CCAR1: variants seen among roughly 807,000 people sequenced by gnomAD.
CCAR1 encodes the protein cell division cycle and apoptosis regulator protein 1.
Under a neutral mutation model 163.8 loss-of-function variants are expected in CCAR1, and 78 were observed. That is an observed-to-expected ratio of 0.48 (90% CI 0.40 to 0.57). The LOEUF (loss-of-function observed/expected upper bound fraction) is 0.57, where lower values mean the gene tolerates loss of function less well. Ranked by LOEUF, CCAR1 falls within the 20% of genes least tolerant of loss-of-function variation. The pLI, the probability that CCAR1 is intolerant of heterozygous loss-of-function variation, is 0.00. For synonymous variants in CCAR1, 443 were observed against 460.7 expected (o/e 0.96, Z 0.49); for missense variants, 1,019 against 1,365.2 (o/e 0.75, Z 4.00).
chr10:68,736,301 A>G (rs1388740396), intron 2 of CCAR1, among the ~76,000 whole-genome samples: 1 of 149,586 alleles, frequency 6.7e-6, no homozygotes, highest in African/African-American at 2.5e-5. Flanking sequence ...GAATGGCTAA[A>G]TCAAGCTATT....
chr10:68,765,147 G>A (rs931841657), intron 16 of CCAR1, among the ~76,000 whole-genome samples: 1 of 152,108 alleles, frequency 6.6e-6, no homozygotes, highest in Non-Finnish European at 1.5e-5. Flanking sequence ...TTACCTGGGC[G>A]TTCTCCTATG....
intron 2 of CCAR1, among the ~76,000 whole-genome samples, chr10:68,733,370 C>T (rs905584397): frequency 1.3e-5 from 2 of 151,938 alleles, no homozygotes; most frequent in Admixed American, 6.6e-5. Flanking sequence ...AAGATTCTGC[C>T]GCTGCACTTG....
At chr10:68,730,007 C>T (rs1005701204) in intron 2 of CCAR1, among the ~76,000 whole-genome samples, 35 of 151,990 alleles carry the variant, frequency 2.3e-4, no homozygotes, top group African/African-American at 7.7e-4. Context: ...GTAACCTCCG[C>T]CTCCCGTGTT....
At chr10:68,740,378 T>A (rs186178760) in intron 4 of CCAR1, among the ~76,000 whole-genome samples, 32 of 152,272 alleles carry the variant, frequency 2.1e-4, no homozygotes, top group Non-Finnish European at 3.5e-4. Context: ...ACATTTTTCT[T>A]AAGATAACTG....
At chr10:68,721,956 T>C (rs545556771) in intron 1 of CCAR1, among the ~76,000 whole-genome samples, 1 of 152,298 alleles carries the variant, frequency 6.6e-6, no homozygotes, top group East Asian at 1.9e-4. Flanking sequence ...CCCCCTAGGT[T>C]CCTTTTCTAC....
At chr10:68,741,318 GA>G (rs2056181201) in intron 5 of CCAR1, among the ~76,000 whole-genome samples, 1 of 152,272 alleles carries the variant, frequency 6.6e-6, no homozygotes, top group African/African-American at 2.4e-5. Context: ...CTTTAGCAGG[GA>G]AAGTTATTGT....
Position 68,791,193 on chromosome 10 carries a change from C to G in CCAR1, c.3394-14C>G, listed in dbSNP as rs768102450. ...CTAATAAAATGTATTTTTTCCTTCT[C>G]TATTGTCTTATAGGATAATGTAAAG... On this transcript the variant is annotated splice_polypyrimidine_tract_variant and intron_variant, in intron 24 of 24. Coordinates refer to ENST00000265872, the MANE Select transcript of CCAR1 (RefSeq NM_018237.4). 1.7e-5 allele frequency: 25 copies of G among 1,479,032 alleles called. No individual in the cohort carries two copies. In the East Asian group the frequency reaches 5.6e-4, roughly 33 times the overall value. 91.6% of individuals were successfully genotyped at this position (1,479,032 alleles called of 1,614,324 possible).
At chr10:68,727,160 C>T (rs2055961042) in intron 2 of CCAR1, among the ~76,000 whole-genome samples, 3 of 150,082 alleles carry the variant, frequency 2.0e-5, no homozygotes, top group East Asian at 2.0e-4. Context: ...CTCTGCCTCC[C>T]GGGTTCAAGT....
rs199712155 is a variant in CCAR1, at chr10:68,789,821, C to T, written c.3299C>T (p.Ser1100Leu). ...LSQLQENLKI[S>L]ENMNLQFENQ... ...CAGTTACAAGAAAACTTAAAGATTTCGGAAAACATGAATTTACAATTTGAA... is the reference window on the plus strand; with the variant it reads ...CAGTTACAAGAAAACTTAAAGATTTTGGAAAACATGAATTTACAATTTGAA... The change falls in exon 24 of 25, where the codon TCG becomes TTG. Residue 1100 changes from serine to leucine, a missense_variant. Ser to Leu is a moderately radical substitution (Grantham distance 145, BLOSUM62 -2). Transcript: ENST00000265872. 21 of 1,607,530 alleles carry T rather than the reference C, an allele frequency of 1.3e-5. No individual in the cohort carries two copies. The highest frequency in any genetic ancestry group is 4.5e-5 in the East Asian group (2 of 44,674).
Position 68,754,021 on chromosome 10 carries a change from G to GA in CCAR1, c.1295dup (p.Asn432LysfsTer6). 6.2e-7 allele frequency: 1 copy of GA among 1,613,878 alleles called. No individual in the cohort carries two copies. The stretch of plus-strand genomic sequence containing the variant: ...AATGCACAGAGAAGTAGAGTCCTTA[G>GA]AAAAAAATATGGCCATTCTTGATCC... On this transcript the variant is annotated frameshift_variant, in exon 11 of 25. Coordinates refer to ENST00000265872, the MANE Select transcript of CCAR1 (RefSeq NM_018237.4).
intron 2 of CCAR1, among the ~76,000 whole-genome samples, chr10:68,728,380 G>A (rs1365348667): frequency 6.7e-6 from 1 of 149,188 alleles, no homozygotes; most frequent in African/African-American, 2.5e-5. Context: ...CGTTGTTTTT[G>A]TTTGTTTGTT....
intron 8 of CCAR1, 50 bp downstream of exon 8, chr10:68,747,616 A>T (rs1375054157): frequency 8.0e-6 from 12 of 1,504,648 alleles, no homozygotes; most frequent in Non-Finnish European, 1.1e-5. Context: ...AGTTGTTGAT[A>T]ATGTAACTAT....
intron 19 of CCAR1, among the ~76,000 whole-genome samples, chr10:68,775,758 G>A (rs185351640): frequency 1.8e-4 from 22 of 125,362 alleles, no homozygotes; most frequent in Admixed American, 4.1e-4. Context: ...GTGCAGTGGC[G>A]CAATCTCAGC....
chr10:68,764,578 C>G (rs2056514290), intron 16 of CCAR1, among the ~76,000 whole-genome samples: 1 of 151,970 alleles, frequency 6.6e-6, no homozygotes, highest in Non-Finnish European at 1.5e-5. Flanking sequence ...TGCACAAACC[C>G]TTACCAAGTT....
intron 23 of CCAR1, among the ~76,000 whole-genome samples, chr10:68,789,151 C>T (rs979767123): frequency 5.9e-5 from 9 of 151,756 alleles, no homozygotes; most frequent in Non-Finnish European, 1.2e-4. Context: ...CCTCGTGATC[C>T]GCCCACCTCA....
intron 6 of CCAR1, among the ~76,000 whole-genome samples, chr10:68,744,271 A>T (rs537560599): frequency 6.6e-6 from 1 of 152,338 alleles, no homozygotes; most frequent in Admixed American, 6.5e-5. Context: ...TGGGGTGTTG[A>T]AATCTAATTT....
At chr10:68,723,198 T>G (rs1471170426) in intron 2 of CCAR1, among the ~76,000 whole-genome samples, 2 of 151,440 alleles carry the variant, frequency 1.3e-5, no homozygotes, top group African/African-American at 2.4e-5. Context: ...CTCAGCTCAC[T>G]GCAAGCTCCG....
rs1369757974 is a variant in CCAR1, at chr10:68,729,564, C to T, written c.73+6987C>T. 3.9e-5 allele frequency among the ~76,000 whole-genome samples: 6 copies of T among 152,050 alleles called. No homozygotes were observed. In the South Asian group the frequency reaches 6.2e-4, roughly 16 times the overall value. ...GATTACAGGTGTGAGCCACCGCGCC[C>T]GGCTCTTGGTGACTTACTCTTGTAA... On this transcript the variant is annotated intron_variant, in intron 2 of 24. Transcript: ENST00000265872.
At chr10:68,736,769 C>G in intron 2 of CCAR1, 107 bp from the exon 3 acceptor site, 1 of 871,306 alleles carries the variant, frequency 1.1e-6, no homozygotes, top group Non-Finnish European at 1.8e-6. Flanking sequence ...GTGAATAGTG[C>G]TGGAGTGAAC....
Sources: gnomAD v4.1 joint callset for allele counts (sites outside exome capture counted in the v4.1 genomes callset) on GRCh38, gnomAD v4.1.1 for gene constraint, MANE v1.5 for transcripts, NCBI Gene and HGNC (gene_info 2026-07-23, HGNC 2026-07-21) for gene names.